The following LSMEM1 variants were observed in gnomAD, a reference collection of about 807,000 sequenced individuals.
The protein encoded by LSMEM1 is leucine rich single-pass membrane protein 1.
In LSMEM1, 10 loss-of-function variants were observed where a neutral mutation model predicts 11.3. The ratio of observed to expected loss-of-function variants is 0.89; its 90% CI spans 0.55 to 1.50. LSMEM1 has a LOEUF of 1.50. LSMEM1 is among the 40% of genes most tolerant of loss of function. The pLI is 0.00. For synonymous variants in LSMEM1, 65 were observed against 59.3 expected, an observed-to-expected ratio of 1.10 and a Z score of -0.44; for missense variants, 151 against 152.9, an observed-to-expected ratio of 0.99 and a Z score of 0.06.
rs571285268 is a variant in LSMEM1 at position 112,490,986 on chromosome 7, T to C, written c.*1037T>C. 5.9e-5 allele frequency: 9 copies of C among 152,302 alleles called. No individual in the cohort carries two copies. The highest frequency in any genetic ancestry group is 3.4e-3 in the Middle Eastern group (1 of 294). 9.4% of individuals were successfully genotyped at this position (152,302 alleles called of 1,614,324 possible). A position where few individuals can be genotyped will look rare whatever the true frequency, so the allele number is the denominator to read the frequency against. ...TATCATTTTGGATTGATCAAAAACA[T>C]TTGGGTTTACTACGATATTAAGCAT... On this transcript the variant is annotated 3_prime_UTR_variant, in exon 4 of 4. Transcript: ENST00000312849.
rs369871941 is a variant in LSMEM1 at position 112,484,692 on chromosome 7, G to A, written c.-5-120G>A. Reference sequence around the variant, plus strand: ...AGCCAAGTTCTCTAGAGCCTTAGTTGAAAATACTATTTGTGGGTGGTTCTT... The same window carrying A: ...AGCCAAGTTCTCTAGAGCCTTAGTTAAAAATACTATTTGTGGGTGGTTCTT... On this transcript the variant is annotated intron_variant, in intron 1 of 3. Coordinates refer to ENST00000312849, the MANE Select transcript of LSMEM1 (RefSeq NM_182597.3). 105 of 1,020,736 alleles carry A rather than the reference G, an allele frequency of 1.0e-4. 1 individual carries two copies. In the East Asian group the frequency reaches 1.3e-3, roughly 13 times the overall value. 63.2% of individuals were successfully genotyped at this position (1,020,736 alleles called of 1,614,324 possible).
chr7:112,487,175 A>AAAAAGAAGGTATG, intron 3 of LSMEM1, 124 bp downstream of exon 3: 1 of 1,099,622 alleles, frequency 9.1e-7, no homozygotes, highest in African/African-American at 1.6e-5. Flanking sequence ...CTTACATTGA[A>AAAAAGAAGGTATG]AAAAGAAGGA....
At chr7:112,480,679 C>T (rs1468804304), upstream of LSMEM1, among the ~76,000 whole-genome samples, 1 of 152,182 alleles carries the variant, frequency 6.6e-6, no homozygotes, top group Non-Finnish European at 1.5e-5. Flanking sequence ...GAAAGGCGGC[C>T]GATGAGATGG....
At chr7:112,483,151 T>A (rs1357166529) in intron 1 of LSMEM1, among the ~76,000 whole-genome samples, 1 of 150,914 alleles carries the variant, frequency 6.6e-6, no homozygotes, top group Non-Finnish European at 1.5e-5. Flanking sequence ...TTTTTTTTTT[T>A]ATGAATTTGG....
At chr7:112,485,464 A>G (rs911258388) in intron 2 of LSMEM1, among the ~76,000 whole-genome samples, 1 of 152,182 alleles carries the variant, frequency 6.6e-6, no homozygotes, top group African/African-American at 2.4e-5. Context: ...AATATTATAA[A>G]TGAGCTTTAT....
chr7:112,486,301 C>A, intron 2 of LSMEM1: 1 of 423,690 alleles, frequency 2.4e-6, no homozygotes, highest in Non-Finnish European at 4.8e-6. Context: ...TAGCCTTTAA[C>A]TTCTATATTC....
intron 1 of LSMEM1, among the ~76,000 whole-genome samples, chr7:112,482,546 G>C (rs1796051177): frequency 6.6e-6 from 1 of 152,174 alleles, no homozygotes; most frequent in Non-Finnish European, 1.5e-5. Context: ...CAGAACAGTG[G>C]TCCTGTGATG....
At chr7:112,488,978 A>G (rs1220243383) in intron 3 of LSMEM1, among the ~76,000 whole-genome samples, 2 of 152,220 alleles carry the variant, frequency 1.3e-5, no homozygotes, top group African/African-American at 2.4e-5. Flanking sequence ...TCACGTTGCT[A>G]ATAAGTGCCA....
intron 1 of LSMEM1, among the ~76,000 whole-genome samples, chr7:112,484,216 A>G (rs1796085680): frequency 6.6e-6 from 1 of 152,214 alleles, no homozygotes; most frequent in Non-Finnish European, 1.5e-5. Flanking sequence ...TCAGCATCTT[A>G]TGGCTAAAGG....
chr7:112,490,632 A>G lies in LSMEM1; in HGVS notation c.*683A>G, dbSNP rs1298711335. The G allele has an allele frequency of 6.6e-6, 1 of 152,242 alleles. No homozygotes were observed. The highest frequency in any genetic ancestry group is 1.5e-5 in the Non-Finnish European group (1 of 68,042). 9.4% of individuals were successfully genotyped at this position (152,242 alleles called of 1,614,324 possible). ...TCTACTCAAGAGGAGCTCACATAAGAGTGCAGGATAAAGAAAGGAGATGGA... is the reference window on the plus strand; with the variant it reads ...TCTACTCAAGAGGAGCTCACATAAGGGTGCAGGATAAAGAAAGGAGATGGA... On this transcript the variant is annotated 3_prime_UTR_variant, in exon 4 of 4. Coordinates refer to ENST00000312849, the MANE Select transcript of LSMEM1 (RefSeq NM_182597.3).
In LSMEM1 at chr7:112,484,878, T is replaced by TG. The variant is rs1365114390; in HGVS notation, c.64dup (p.Val22GlyfsTer6). 3.1e-6 allele frequency: 5 copies of TG among 1,613,648 alleles called. No homozygotes were observed. The highest frequency in any genetic ancestry group is 3.4e-6 in the Non-Finnish European group (4 of 1,179,740). ...ATTCAGGAAGATGGAAAGCTTTATG[T>TG]GGTGGATTCCATAAATGACTTAAAC... On this transcript the variant is annotated frameshift_variant, in exon 2 of 4. Coordinates refer to ENST00000312849, the MANE Select transcript of LSMEM1 (RefSeq NM_182597.3). LOFTEE classifies it high-confidence loss of function.
intron 3 of LSMEM1, among the ~76,000 whole-genome samples, 177 bp downstream of exon 3, chr7:112,487,228 G>A (rs1177223311): frequency 6.6e-6 from 1 of 152,090 alleles, no homozygotes; most frequent in African/African-American, 2.4e-5. Flanking sequence ...GGGTCCCTTG[G>A]CCACAAACCC....
intron 3 of LSMEM1, 112 bp from the exon 4 acceptor site, chr7:112,489,698 G>A: frequency 8.1e-7 from 1 of 1,241,100 alleles, no homozygotes; most frequent in Non-Finnish European, 1.1e-6. Flanking sequence ...GGGAACAGGG[G>A]ATTTGCCAAG....
intron 3 of LSMEM1, among the ~76,000 whole-genome samples, chr7:112,488,601 A>C (rs1796181342): frequency 7.1e-6 from 1 of 140,536 alleles, no homozygotes; most frequent in African/African-American, 2.8e-5. Context: ...TATTATTATT[A>C]TTATTATTTT....
intron 3 of LSMEM1, 48 bp from the exon 4 acceptor site, chr7:112,489,762 G>A: frequency 6.4e-7 from 1 of 1,572,862 alleles, no homozygotes; most frequent in Admixed American, 1.9e-5. Flanking sequence ...GAATTTCAGT[G>A]GAACACAGTG....
rs369361245 is a variant in LSMEM1 at position 112,485,925 on chromosome 7, T to C, written c.127+982T>C. ...GTTGCTTATTCACTGCAACAAATAA[T>C]CTGGGTGTTATTAGGCAACTAGATC... On this transcript the variant is annotated intron_variant, in intron 2 of 3. Transcript: ENST00000312849. Among the ~76,000 whole-genome samples the C allele has an allele frequency of 1.3e-3, 199 of 151,020 alleles. 2 individuals are homozygous for C. Among genetic ancestry groups the C allele is most frequent in the African/African-American group, 4.6e-3 (187 of 41,052 alleles).
intron 1 of LSMEM1, among the ~76,000 whole-genome samples, chr7:112,481,817 A>T (rs143586868): frequency 1.8e-4 from 27 of 152,392 alleles, no homozygotes; most frequent in Non-Finnish European, 3.4e-4. Flanking sequence ...CAGTCAAGGT[A>T]TAAGAAAGGG....
At chr7:112,481,551 G>C (rs751516310) in intron 1 of LSMEM1, among the ~76,000 whole-genome samples, 8 of 152,146 alleles carry the variant, frequency 5.3e-5, no homozygotes, top group Non-Finnish European at 8.8e-5. Context: ...CAATAACACT[G>C]CTTATTAGCT....
At chr7:112,483,991 A>C (rs2117363128) in intron 1 of LSMEM1, among the ~76,000 whole-genome samples, 1 of 152,286 alleles carries the variant, frequency 6.6e-6, no homozygotes, top group East Asian at 1.9e-4. Context: ...CTCCACATAA[A>C]CCTTTTAAAC....
Sources: gnomAD v4.1 joint callset for allele counts (sites outside exome capture counted in the v4.1 genomes callset) on GRCh38, gnomAD v4.1.1 for gene constraint, MANE v1.5 for transcripts, NCBI Gene and HGNC (gene_info 2026-07-23, HGNC 2026-07-21) for gene names.